The following KLF8 variants were observed in gnomAD, a reference collection of about 807,000 sequenced individuals.
The protein encoded by KLF8 is KLF transcription factor 8, also known as Krueppel-like factor 8.
A neutral mutation model predicts 18.2 loss-of-function variants in KLF8; 10 were observed. That is an observed-to-expected ratio of 0.55 (90% CI 0.34 to 0.93). The LOEUF is 0.93. KLF8 is among the 40% of genes least tolerant of loss of function. KLF8 has a pLI of 0.02. For missense variants in KLF8, 264 were observed against 277.9 expected, an observed-to-expected ratio of 0.95 and a Z score of 0.36; for synonymous variants, 109 against 97.3, an observed-to-expected ratio of 1.12 and a Z score of -0.71.
chrX:56,072,850 C>T, the KLF8 span, among the ~76,000 whole-genome samples: 8 of 111,770 alleles, frequency 7.2e-5, no homozygotes, highest in African/African-American at 2.6e-4. Flanking sequence ...TAGGCAATAA[C>T]TTTAACTCTC....
At chrX:56,022,118 A>T in the KLF8 span, among the ~76,000 whole-genome samples, 2 of 111,558 alleles carry the variant, frequency 1.8e-5, no homozygotes, top group Non-Finnish European at 3.8e-5. Context: ...AAAATGGTGC[A>T]GTGAAAACCT....
the KLF8 span, among the ~76,000 whole-genome samples, chrX:56,185,266 G>C: frequency 8.9e-6 from 1 of 112,102 alleles, no homozygotes; most frequent in South Asian, 3.7e-4. Context: ...CTGGAAGAAA[G>C]GGTGTCAGTG....
At chrX:56,002,627 A>G in the KLF8 span, among the ~76,000 whole-genome samples, 2 of 112,218 alleles carry the variant, frequency 1.8e-5, no homozygotes, top group African/African-American at 6.5e-5. Context: ...CTGCTACAGA[A>G]TAGTCACTCA....
chrX:55,963,199 T>A, the KLF8 span, among the ~76,000 whole-genome samples: 1 of 112,009 alleles, frequency 8.9e-6, no homozygotes, highest in Admixed American at 9.5e-5. Flanking sequence ...ATAAAGAACA[T>A]AATTTTCTGC....
the KLF8 span, among the ~76,000 whole-genome samples, chrX:55,977,866 A>G: frequency 1.5e-4 from 17 of 111,019 alleles, no homozygotes; most frequent in African/African-American, 5.6e-4. Context: ...GAGCCTCTTT[A>G]TATAGTAAGG....
chrX:56,124,730 T>C, the KLF8 span, among the ~76,000 whole-genome samples: 3 of 111,989 alleles, frequency 2.7e-5, no homozygotes, highest in South Asian at 1.1e-3. Flanking sequence ...AACTTGTGCA[T>C]TGTCTTTTAA....
the KLF8 span, among the ~76,000 whole-genome samples, chrX:56,069,155 C>T: frequency 1.8e-5 from 2 of 111,745 alleles, no homozygotes. Flanking sequence ...GCCAAGTGGG[C>T]AATGCCTATT....
the KLF8 span, among the ~76,000 whole-genome samples, chrX:56,150,039 C>T: frequency 8.9e-6 from 1 of 112,051 alleles, no homozygotes; most frequent in African/African-American, 3.2e-5. Flanking sequence ...GAATGTTGGG[C>T]AGGAGGTCCA....
the KLF8 span, among the ~76,000 whole-genome samples, chrX:56,121,845 C>A: frequency 2.7e-5 from 3 of 112,058 alleles, no homozygotes; most frequent in Non-Finnish European, 5.6e-5. Context: ...CCTACTTAAT[C>A]CCAGGAAAAA....
the KLF8 span, among the ~76,000 whole-genome samples, chrX:55,982,475 G>A: frequency 8.9e-6 from 1 of 111,874 alleles, no homozygotes; most frequent in East Asian, 2.8e-4. Context: ...ACGATTTATT[G>A]TAATATCCTT....
the KLF8 span, among the ~76,000 whole-genome samples, chrX:56,151,161 G>A: frequency 1.8e-5 from 2 of 111,807 alleles, no homozygotes; most frequent in Non-Finnish European, 3.8e-5. Context: ...CACAGAGGTA[G>A]GACCAAACAG....
At chrX:56,159,250 G>T in the KLF8 span, among the ~76,000 whole-genome samples, 1 of 111,993 alleles carries the variant, frequency 8.9e-6, no homozygotes, top group Non-Finnish European at 1.9e-5. Context: ...CCTGATCATA[G>T]TGGACAAACT....
At chrX:55,939,173 G>A in the KLF8 span, among the ~76,000 whole-genome samples, 2 of 111,712 alleles carry the variant, frequency 1.8e-5, no homozygotes, top group South Asian at 3.8e-4. Flanking sequence ...ATAACAAACT[G>A]TCTCTCAGAC....
chrX:56,012,355 A>G, the KLF8 span, among the ~76,000 whole-genome samples: 1 of 111,961 alleles, frequency 8.9e-6, no homozygotes, highest in Non-Finnish European at 1.9e-5. Flanking sequence ...CACATGATTA[A>G]CTCAACAGAC....
the KLF8 span, among the ~76,000 whole-genome samples, chrX:56,000,491 G>GGTTT: frequency 2.7e-5 from 1 of 36,458 alleles, no homozygotes; most frequent in Non-Finnish European, 6.0e-5. Flanking sequence ...GGGGGGGAGG[G>GGTTT]ATTTTTTTTT....
At chrX:56,135,490 G>A in the KLF8 span, among the ~76,000 whole-genome samples, 2 of 110,220 alleles carry the variant, frequency 1.8e-5, no homozygotes, top group South Asian at 7.8e-4. Context: ...TCATAGGTGG[G>A]AATTGAACAA....
At chrX:56,103,969 C>T in the KLF8 span, among the ~76,000 whole-genome samples, 5 of 111,024 alleles carry the variant, frequency 4.5e-5, no homozygotes, top group African/African-American at 1.3e-4. Flanking sequence ...ATTGAGATAA[C>T]CATGTGGTTT....
the KLF8 span, among the ~76,000 whole-genome samples, chrX:55,953,190 C>T: frequency 0.086 from 9,500 of 110,848 alleles, 993 homozygotes; most frequent in African/African-American, 0.3. Context: ...CTCACATTCT[C>T]GAGGAGTATA....
the KLF8 span, among the ~76,000 whole-genome samples, chrX:55,991,760 C>G: frequency 2.7e-5 from 3 of 112,389 alleles, no homozygotes; most frequent in African/African-American, 9.7e-5. Context: ...ACCTCACAAG[C>G]ATATGTTATT....
Sources: gnomAD v4.1 joint callset for allele counts (sites outside exome capture counted in the v4.1 genomes callset) on GRCh38, gnomAD v4.1.1 for gene constraint, MANE v1.5 for transcripts, NCBI Gene and HGNC (gene_info 2026-07-23, HGNC 2026-07-21) for gene names.